Variants in OPA3 observed in about 807,000 individuals in gnomAD.
The protein encoded by OPA3 is outer mitochondrial membrane lipid metabolism regulator OPA3.
In OPA3, 6 loss-of-function variants were observed where a neutral mutation model predicts 4.0. The ratio of observed to expected loss-of-function variants is 1.51; its 90% CI spans 0.83 to 2.99. The LOEUF (loss-of-function observed/expected upper bound fraction) is 2.99. Ranked by LOEUF, OPA3 falls within the 30% of genes most tolerant of loss-of-function variation. OPA3 has a pLI of 0.00. For missense variants in OPA3, 235 were observed against 256.2 expected (o/e 0.92, Z 0.56); for synonymous variants, 105 against 117.1 (o/e 0.90, Z 0.67).
downstream of OPA3, among the ~76,000 whole-genome samples, chr19:45,541,640 T>C (rs1253015465): frequency 1.3e-5 from 2 of 152,080 alleles, no homozygotes; most frequent in East Asian, 3.9e-4. Flanking sequence ...TGATGGCTCA[T>C]TGCAGCCTCG....
chr19:45,550,787 G>A lies in OPA3; in HGVS notation c.*2727C>T. On this transcript the variant is annotated 3_prime_UTR_variant, in exon 2 of 2. Coordinates refer to ENST00000263275, the MANE Select transcript of OPA3 (RefSeq NM_025136.4). ...CTCAGGATGCCTTCATCACCTTGCA[G>A]CTCCTCTAATGAGAGAGCTACAGTC... The A allele has an allele frequency of 1.0e-6, 1 of 985,928 alleles. No individual in the cohort carries two copies. The highest frequency in any genetic ancestry group is 1.7e-5 in the African/African-American group (1 of 57,364). The allele number at this position is 985,928 out of a possible 1,614,324, so 61.1% of individuals were successfully genotyped here.
intron 1 of OPA3, among the ~76,000 whole-genome samples, chr19:45,532,636 A>G (rs1288808773): frequency 6.6e-6 from 1 of 152,034 alleles, no homozygotes; most frequent in Non-Finnish European, 1.5e-5. Context: ...GTTGACTTTC[A>G]GAACTTATTT....
rs1969176691 is a variant in OPA3 at position 45,540,736 on chromosome 19, G to A, written c.143-11280C>T. 2.0e-5 allele frequency among the ~76,000 whole-genome samples: 3 copies of A among 151,726 alleles called. No homozygotes were observed. The South Asian group carries it at 6.2e-4, about 31-fold the overall frequency. On this transcript the variant is annotated intron_variant, in intron 1 of 1. Transcript: ENST00000323060. ...GAGAATCACTTGAACCTGGGAGGCG[G>A]AGAATGCAGTGAGCCAAGATGGCAC...
intron 1 of OPA3, among the ~76,000 whole-genome samples, chr19:45,573,853 T>C (rs1969724859): frequency 6.6e-6 from 1 of 152,162 alleles, no homozygotes; most frequent in South Asian, 2.1e-4. Flanking sequence ...GTTTTGGCAC[T>C]TGGGCAGTAA....
At chr19:45,572,757 C>T (rs1393601234) in intron 1 of OPA3, among the ~76,000 whole-genome samples, 2 of 121,396 alleles carry the variant, frequency 1.6e-5, no homozygotes, top group East Asian at 2.2e-4. Context: ...ATATATATCT[C>T]GATATATATC....
chr19:45,584,415 T>G, intron 1 of OPA3: 1 of 985,364 alleles, frequency 1.0e-6, no homozygotes, highest in Non-Finnish European at 1.2e-6. Context: ...ACTCGCGTGG[T>G]GGCTCCTTGA....
At chr19:45,545,149 A>G (rs141575369), downstream of OPA3, among the ~76,000 whole-genome samples, 1,150 of 144,556 alleles carry the variant, frequency 8.0e-3, 17 homozygotes, top group African/African-American at 0.026. Context: ...TGGGCGACAG[A>G]GCAAGACACC....
intron 1 of OPA3, among the ~76,000 whole-genome samples, chr19:45,561,255 C>G (rs1199210224): frequency 2.0e-5 from 3 of 152,102 alleles, no homozygotes; most frequent in Non-Finnish European, 2.9e-5. Context: ...ATCGCTTGAA[C>G]CTGGGAGGTG....
chr19:45,556,307 C>G (rs1398888499), intron 1 of OPA3, among the ~76,000 whole-genome samples: 3 of 151,910 alleles, frequency 2.0e-5, no homozygotes, highest in Non-Finnish European at 2.9e-5. Context: ...CCATGCCTGG[C>G]TAATTTTATT....
In OPA3 at chr19:45,549,535, C is replaced by T. The variant is rs546196266; in HGVS notation, c.*3979G>A. On this transcript the variant is annotated 3_prime_UTR_variant, in exon 2 of 2. Transcript: ENST00000263275. ...TCACTCTGTCACCCAGGCTGGAGTG[C>T]AGTGGCGCGATCTCAGCTCACTGCA... The T allele has an allele frequency of 9.3e-6, 9 of 964,370 alleles. No homozygotes were observed. In the South Asian group the frequency reaches 1.9e-4, roughly 21 times the overall value. The allele number at this position is 964,370 out of a possible 1,614,324, so 59.7% of individuals were successfully genotyped here.
chr19:45,562,500 CCAA>C (rs1371011325), intron 1 of OPA3, among the ~76,000 whole-genome samples: 1 of 150,826 alleles, frequency 6.6e-6, no homozygotes, highest in African/African-American at 2.4e-5. Context: ...ACCAGTCTGG[CCAA>C]CATGATGAAA....
At chr19:45,568,052 G>A (rs1413570991) in intron 1 of OPA3, among the ~76,000 whole-genome samples, 1 of 152,148 alleles carries the variant, frequency 6.6e-6, no homozygotes, top group Non-Finnish European at 1.5e-5. Flanking sequence ...AAGCTGGAGT[G>A]CACTGGTACG....
chr19:45,537,779 G>A (rs1969139044), intron 1 of OPA3, among the ~76,000 whole-genome samples: 1 of 152,038 alleles, frequency 6.6e-6, no homozygotes. Flanking sequence ...CAGGGAGGGA[G>A]AATGACGAGA....
chr19:45,568,901 T>C (rs1969621634), intron 1 of OPA3, among the ~76,000 whole-genome samples: 1 of 152,132 alleles, frequency 6.6e-6, no homozygotes, highest in Non-Finnish European at 1.5e-5. Flanking sequence ...AGGTAACTAA[T>C]ACCCTCAAAT....
chr19:45,545,184 A>C (rs375200641), downstream of OPA3, among the ~76,000 whole-genome samples: 23 of 149,588 alleles, frequency 1.5e-4, no homozygotes, highest in African/African-American at 4.7e-4. Flanking sequence ...AAAAACAAAA[A>C]AACAAAAAAT....
In OPA3 at chr19:45,553,623, G is replaced by A. The variant is rs775398472; in HGVS notation, c.431C>T (p.Pro144Leu). The A allele has an allele frequency of 6.2e-7, 1 of 1,607,176 alleles. No homozygotes were observed. The highest frequency in any genetic ancestry group is 8.5e-7 in the Non-Finnish European group (1 of 1,178,642). The change falls in exon 2 of 2, where the codon CCG (proline) becomes CTG (leucine). Residue 144 changes from proline to leucine, a missense_variant. Coordinates refer to ENST00000263275, the MANE Select transcript of OPA3 (RefSeq NM_025136.4). ...CAGTTCCTCCAGGGCGCCCTGTGGC[G>A]GCGCCGCCTGCACCTGCGCCTGCAG... ...EALQAQVQAA[P>L]PQGALEELRT...
chr19:45,570,454 G>A (rs1177627219), intron 1 of OPA3, among the ~76,000 whole-genome samples: 1 of 152,058 alleles, frequency 6.6e-6, no homozygotes, highest in Non-Finnish European at 1.5e-5. Context: ...AGACTGAGGT[G>A]GGCAGATCAC....
intron 1 of OPA3, among the ~76,000 whole-genome samples, chr19:45,556,343 C>A (rs143125938): frequency 1.4e-3 from 210 of 151,002 alleles, no homozygotes; most frequent in African/African-American, 5.0e-3. Flanking sequence ...TGGGGTCTTG[C>A]CATATTCCAT....
intron 1 of OPA3, among the ~76,000 whole-genome samples, chr19:45,561,431 G>A (rs1599975162): frequency 6.6e-6 from 1 of 152,156 alleles, no homozygotes; most frequent in East Asian, 1.9e-4. Flanking sequence ...TGAAGGGAAG[G>A]TATTCCTCAT....
Sources: gnomAD v4.1 joint callset for allele counts (sites outside exome capture counted in the v4.1 genomes callset) on GRCh38, gnomAD v4.1.1 for gene constraint, MANE v1.5 for transcripts, NCBI Gene and HGNC (gene_info 2026-07-23, HGNC 2026-07-21) for gene names.